The following PCDHA7 variants were observed in gnomAD, a reference collection of about 807,000 sequenced individuals.
PCDHA7 encodes the protein protocadherin alpha-7.
A neutral mutation model predicts 57.2 loss-of-function variants in PCDHA7; 37 were observed. The observed-to-expected ratio is 0.65, with a 90% CI of 0.50 to 0.85. The LOEUF (loss-of-function observed/expected upper bound fraction) is 0.85, where lower values mean the gene tolerates loss of function less well. PCDHA7 is among the 40% of genes least tolerant of loss of function. The pLI is 0.00. For missense variants in PCDHA7, 1,188 were observed against 1,241.8 expected, an observed-to-expected ratio of 0.96 and a Z score of 0.65; for synonymous variants, 553 against 558.8, an observed-to-expected ratio of 0.99 and a Z score of 0.15.
In PCDHA7 at chr5:140,850,012, G is replaced by A. The variant is rs1415063137; in HGVS notation, c.2355+13274G>A. On this transcript the variant is annotated intron_variant, in intron 1 of 3. Transcript: ENST00000525929. ...CGGTTGGGCGAGCGCTCGCTGTCGAGCTACGTGTCAGTGCACGCGGAGAGC... is the reference window on the plus strand; with the variant it reads ...CGGTTGGGCGAGCGCTCGCTGTCGAACTACGTGTCAGTGCACGCGGAGAGC... 5 of 1,596,912 alleles carry A rather than the reference G, an allele frequency of 3.1e-6. 1 individual carries two copies. In the African/African-American group the frequency reaches 5.4e-5, roughly 17 times the overall value.
At chr5:140,891,972 T>C (rs1273277446) in intron 1 of PCDHA7, among the ~76,000 whole-genome samples, 1 of 152,222 alleles carries the variant, frequency 6.6e-6, no homozygotes, top group African/African-American at 2.4e-5. Flanking sequence ...TAAATTTCCG[T>C]TCTCATAAAT....
At chr5:140,875,780 G>C in intron 1 of PCDHA7, 3 of 1,614,128 alleles carry the variant, frequency 1.9e-6, no homozygotes, top group Admixed American at 3.3e-5. Flanking sequence ...GCGGAGTGCA[G>C]TATCCACCTG....
At position 140,876,570 on chromosome 5, in the gene PCDHA7, T is replaced by A. The variant is rs782551095; in HGVS notation, c.2355+39832T>A. 5.7e-5 allele frequency: 92 copies of A among 1,614,172 alleles called. No individual in the cohort carries two copies. In the East Asian group the frequency reaches 2.0e-3, roughly 35 times the overall value. On this transcript the variant is annotated intron_variant, in intron 1 of 3. Coordinates refer to ENST00000525929, the MANE Select transcript of PCDHA7 (RefSeq NM_018910.3). The stretch of plus-strand genomic sequence containing the variant: ...CTGTGCAAGAGGATGCTCAGGTGGG[T>A]ACCGTCATTGCCCTGATTAGCGTGT...
At chr5:140,863,452 G>A in intron 1 of PCDHA7, 4 of 561,032 alleles carry the variant, frequency 7.1e-6, no homozygotes, top group South Asian at 2.9e-5. Flanking sequence ...TCGCAGCAAA[G>A]GAGATTTTAC....
chr5:140,851,781 A>G, intron 1 of PCDHA7: 1 of 959,776 alleles, frequency 1.0e-6, no homozygotes. Context: ...AATTTAGATG[A>G]GAATTCACTT....
chr5:140,926,981 C>T (rs1420415867), intron 1 of PCDHA7: 3 of 1,610,216 alleles, frequency 1.9e-6, no homozygotes, highest in Admixed American at 1.7e-5. Context: ...CCGGAGGAGA[C>T]GGAGCGGGGC....
At chr5:140,980,350 G>T (rs1382723470) in intron 2 of PCDHA7, among the ~76,000 whole-genome samples, 1 of 152,128 alleles carries the variant, frequency 6.6e-6, no homozygotes, top group Admixed American at 6.5e-5. Context: ...TAACTTCCTG[G>T]ACTGGGCGCG....
At chr5:140,994,759 G>C (rs1193190612) in intron 3 of PCDHA7, among the ~76,000 whole-genome samples, 3 of 152,130 alleles carry the variant, frequency 2.0e-5, no homozygotes, top group African/African-American at 7.2e-5. Flanking sequence ...ATGTGGAGAG[G>C]AAGAGAATTC....
In PCDHA7 at chr5:140,834,402, T is replaced by A. The variant is rs2150216661; in HGVS notation, c.19T>A (p.Tyr7Asn). ...ATTTGAAATGGTGTGCCCGAATGGATACGACCCAGGGGGCCGACATCTACT... is the reference window on the plus strand; with the variant it reads ...ATTTGAAATGGTGTGCCCGAATGGAAACGACCCAGGGGGCCGACATCTACT... MVCPNG[Y>N]DPGGRHLLLF... Residue 7 changes from tyrosine to asparagine, a missense_variant, in exon 1 of 4, where the codon TAC becomes AAC. Tyr to Asn is a moderately radical substitution (Grantham distance 143). Coordinates refer to ENST00000525929, the MANE Select transcript of PCDHA7 (RefSeq NM_018910.3). The A allele has an allele frequency of 6.2e-7, 1 of 1,606,068 alleles. No individual in the cohort carries two copies. The highest frequency in any genetic ancestry group is 8.5e-7 in the Non-Finnish European group (1 of 1,175,294).
chr5:140,935,957 A>G (rs1427987096), intron 1 of PCDHA7, among the ~76,000 whole-genome samples: 5 of 150,604 alleles, frequency 3.3e-5, no homozygotes, highest in African/African-American at 1.2e-4. Context: ...AAGTGGTACA[A>G]TCTTGGCTCA....
At chr5:140,902,974 A>T (rs1291767760) in intron 1 of PCDHA7, among the ~76,000 whole-genome samples, 1 of 152,178 alleles carries the variant, frequency 6.6e-6, no homozygotes, top group African/African-American at 2.4e-5. Context: ...ATGGGCATTT[A>T]GGTTGGTTCC....
rs184822768 is a variant in PCDHA7 at position 140,847,338 on chromosome 5, C to A, written c.2355+10600C>A. 45 of 149,900 alleles carry A rather than the reference C, an allele frequency of 3.0e-4. 3 individuals carry two copies. In the Admixed American group the frequency reaches 3.0e-3, roughly 10 times the overall value. The allele number at this position is 149,900 out of a possible 1,614,324, so 9.3% of individuals were successfully genotyped here. On this transcript the variant is annotated intron_variant, in intron 1 of 3. Transcript: ENST00000525929. ...ACAGAAGCAATTGTTAAATGCACCT[C>A]TTAGGCTGTTATCAGTAGAAATACG... is the stretch of plus-strand genomic sequence containing the variant.
intron 1 of PCDHA7, chr5:140,862,463 G>C (rs2047375519): frequency 2.7e-6 from 1 of 370,738 alleles, no homozygotes. Flanking sequence ...TGGACCAAGA[G>C]AGCAAATCTA....
rs2150269188 is a variant in PCDHA7 at position 140,836,751 on chromosome 5, T to C, written c.2355+13T>C. On this transcript the variant is annotated intron_variant, in intron 1 of 3. Coordinates refer to ENST00000525929, the MANE Select transcript of PCDHA7 (RefSeq NM_018910.3). Reference sequence around the variant, plus strand: ...CTCTACAGACAATGTGAGTCATAAATAATCTTGTTTCCAACAATTTTAAAA... The same window carrying C: ...CTCTACAGACAATGTGAGTCATAAACAATCTTGTTTCCAACAATTTTAAAA... The C allele has an allele frequency of 3.2e-6, 5 of 1,580,282 alleles. No individual in the cohort carries two copies. Among genetic ancestry groups the C allele is most frequent in the Middle Eastern group, 1.7e-4 (1 of 5,914 alleles).
rs2150365514 is a variant in PCDHA7 at position 140,843,720 on chromosome 5, G to C, written c.2355+6982G>C. 5.1e-6 allele frequency: 8 copies of C among 1,565,554 alleles called. 1 individual carries two copies. The South Asian group carries it at 9.0e-5, about 18-fold the overall frequency. ...AATGTTGATCATGGCCTCAAAGTAA[G>C]TCCATTTAAATTTAGAACTCATAAA... is the stretch of plus-strand genomic sequence containing the variant. On this transcript the variant is annotated intron_variant, in intron 1 of 3. Coordinates refer to ENST00000525929, the MANE Select transcript of PCDHA7 (RefSeq NM_018910.3).
chr5:140,942,518 G>A (rs2093312014), intron 1 of PCDHA7, among the ~76,000 whole-genome samples: 1 of 151,908 alleles, frequency 6.6e-6, no homozygotes, highest in Non-Finnish European at 1.5e-5. Flanking sequence ...ACTCAGAGGG[G>A]AAGCAACTAA....
At chr5:140,842,917 G>A in intron 1 of PCDHA7, 1 of 1,594,694 alleles carries the variant, frequency 6.3e-7, no homozygotes, top group Non-Finnish European at 8.6e-7. Flanking sequence ...AGCTGCTGCA[G>A]TTCCAGGTGA....
intron 1 of PCDHA7, chr5:140,883,811 G>C (rs782535066): frequency 6.2e-7 from 1 of 1,612,586 alleles, no homozygotes; most frequent in South Asian, 1.1e-5. Context: ...CGCGGAGAGC[G>C]GCAAGGTGTA....
At chr5:140,998,148 A>G (rs1229553205) in intron 3 of PCDHA7, among the ~76,000 whole-genome samples, 10 of 152,234 alleles carry the variant, frequency 6.6e-5, no homozygotes, top group Admixed American at 6.5e-4. Flanking sequence ...TGTACTGAAC[A>G]GTTAAGCCAT....
Sources: allele counts gnomAD v4.1 joint callset (sites outside exome capture counted in the v4.1 genomes callset), GRCh38; gene constraint gnomAD v4.1.1; transcripts MANE v1.5; gene names NCBI Gene and HGNC (gene_info 2026-07-23, HGNC 2026-07-21).